The following HNRNPL variants were observed in gnomAD, a reference collection of about 807,000 sequenced individuals.
The protein encoded by HNRNPL is epididymis secretory sperm binding protein.
Under a neutral mutation model 64.0 loss-of-function variants are expected in HNRNPL, and 12 were observed. The observed-to-expected ratio is 0.19, with a 90% CI of 0.12 to 0.30. The LOEUF (loss-of-function observed/expected upper bound fraction) is 0.30. HNRNPL is among the 10% of genes least tolerant of loss of function. HNRNPL has a pLI of 1.00. For synonymous variants in HNRNPL, 385 were observed against 313.0 expected, an observed-to-expected ratio of 1.23 and a Z score of -2.43; for missense variants, 484 against 797.4, an observed-to-expected ratio of 0.61 and a Z score of 4.73.
chr19:38,845,685 G>C lies in HNRNPL; in HGVS notation c.675C>G (p.Val225=), dbSNP rs769221260. The C allele has an allele frequency of 6.2e-7, 1 of 1,613,862 alleles. No individual in the cohort carries two copies. Residue 225 remains valine, a synonymous_variant, in exon 4 of 13, where the codon GTC becomes GTG. Transcript: ENST00000221419. The part of the protein sequence containing the change: ...CNPCGPVQRI[V]IFRKNGVQAM... ...CCTGAACTCCATTCTTCCTGAAAAT[G>C]ACAATTCTCTGGACAGGGCCACAAG...
intron 6 of HNRNPL, chr19:38,841,664 T>C: frequency 2.3e-6 from 3 of 1,283,020 alleles, no homozygotes; most frequent in African/African-American, 1.5e-5. Flanking sequence ...TGGCGTCCCA[T>C]CAAACATACA....
chr19:38,847,768 A>AT (rs1972349918), intron 1 of HNRNPL: 1 of 173,890 alleles, frequency 5.8e-6, no homozygotes, highest in African/African-American at 2.4e-5. Flanking sequence ...CCAAGGAAAC[A>AT]TGGGAAAAGA....
Position 38,844,020 on chromosome 19 carries a change from G to A in HNRNPL, c.795C>T (p.Ile265=), listed in dbSNP as rs753178935. The change falls in exon 5 of 13, where the codon ATC becomes ATT. Residue 265 remains isoleucine, a synonymous_variant. Coordinates refer to ENST00000221419, the MANE Select transcript of HNRNPL (RefSeq NM_001533.3). ...DIYSGCCTLK[I]EYAKPTRLNV... ...CTCCCAGATGTACCTTTGCGTATTC[G>A]ATCTTCAGAGTGCAACAGCCAGAAT... 30 of 1,613,408 alleles carry A rather than the reference G, an allele frequency of 1.9e-5. No individual in the cohort carries two copies. In the East Asian group the frequency reaches 2.4e-4, roughly 13 times the overall value.
intron 12 of HNRNPL, chr19:38,837,091 G>A: frequency 1.8e-6 from 1 of 550,580 alleles, no homozygotes. Context: ...AGGTAACAGA[G>A]TGGCTTTCCT....
At chr19:38,840,758 T>C (rs1972090635) in intron 6 of HNRNPL, 199 bp from the exon 7 acceptor site, 2 of 594,644 alleles carry the variant, frequency 3.4e-6, no homozygotes, top group Admixed American at 6.4e-5. Context: ...CCCACTCTCC[T>C]TCCCCTGCTC....
At chr19:38,851,427 G>A (rs1312909917), upstream of HNRNPL, among the ~76,000 whole-genome samples, 1 of 152,230 alleles carries the variant, frequency 6.6e-6, no homozygotes, top group East Asian at 1.9e-4. Context: ...GCCCGCGCAG[G>A]GTGTGGGGGG....
At chr19:38,849,411 T>C in intron 1 of HNRNPL, 1 of 352,986 alleles carries the variant, frequency 2.8e-6, no homozygotes, top group Non-Finnish European at 5.0e-6. Context: ...CCGGGCCGCG[T>C]GCCCGGCCCC....
intron 8 of HNRNPL, 23 bp downstream of exon 8, chr19:38,840,073 C>G: frequency 6.2e-7 from 1 of 1,612,610 alleles, no homozygotes; most frequent in African/African-American, 1.3e-5. Context: ...GCGAGGAACC[C>G]AGGGGGCCCG....
rs35433653 is a variant in HNRNPL, at chr19:38,836,598, TAAAAAAAA to T, written c.*116_*123del. On this transcript the variant is annotated 3_prime_UTR_variant, in exon 13 of 13. Coordinates refer to ENST00000221419, the MANE Select transcript of HNRNPL (RefSeq NM_001533.3). ...AGTAAGCCTCTACAAACCTAGCATTTAAAAAAAAAAAAAAAAAAAAAAAAAAGGAATAC... is the reference window on the plus strand; with the variant it reads ...AGTAAGCCTCTACAAACCTAGCATTTAAAAAAAAAAAAAAAAAAGGAATAC... The T allele has an allele frequency of 2.9e-4, 40 of 136,624 alleles. No homozygotes were observed. The highest frequency in any genetic ancestry group is 2.8e-3 in the Middle Eastern group (1 of 352). 8.5% of individuals were successfully genotyped at this position (136,624 alleles called of 1,614,324 possible). A position where few individuals can be genotyped will look rare whatever the true frequency, so the allele number is the denominator to read the frequency against.
chr19:38,847,353 C>G lies in HNRNPL; in HGVS notation c.349G>C (p.Asp117His). The change falls in exon 2 of 13, where the codon GAC becomes CAC. Residue 117 changes from aspartate (D) to histidine (H), a missense_variant. Around this residue, in one of 9 missense-constraint regions of HNRNPL, gnomAD observed 23 missense variants for 70.8 expected, o/e 0.32. Coordinates refer to ENST00000221419, the MANE Select transcript of HNRNPL (RefSeq NM_001533.3). ...AACTCCTGCAAGGCCTCCACAAGGT[C>G]TGCTTCCACCACACCGTCAATCAGG... ...RGLIDGVVEADLVEALQEFGP... is the reference protein window; with the variant it reads ...RGLIDGVVEAHLVEALQEFGP... The G allele has an allele frequency of 6.4e-7, 1 of 1,554,382 alleles. No individual in the cohort carries two copies. Among genetic ancestry groups the G allele is most frequent in the African/African-American group, 1.4e-5 (1 of 72,302 alleles).
intron 7 of HNRNPL, 51 bp from the exon 8 acceptor site, chr19:38,840,427 G>A (rs574304705): frequency 6.9e-5 from 108 of 1,557,340 alleles, no homozygotes; most frequent in Admixed American, 3.6e-4. Context: ...TTTGCACGGC[G>A]GGCGGCGGGC....
chr19:38,843,466 G>A (rs1404958823), intron 6 of HNRNPL: 3 of 249,082 alleles, frequency 1.2e-5, no homozygotes, highest in South Asian at 5.6e-5. Flanking sequence ...TCTCAACAGC[G>A]CAGAACAAGA....
At chr19:38,842,105 ATT>A (rs10624642) in intron 6 of HNRNPL, 23 of 132,878 alleles carry the variant, frequency 1.7e-4, no homozygotes, top group Non-Finnish European at 3.0e-4. Flanking sequence ...TGTGGTTAAA[ATT>A]TTTTTTTTTT....
Position 38,840,057 on chromosome 19 carries a change from G to A in HNRNPL, c.1233+39C>T, listed in dbSNP as rs368252669. On this transcript the variant is annotated intron_variant, in intron 8 of 12. Transcript: ENST00000221419. ...TCCCGTGCTGACTGGCAAGATACGA[G>A]GCTCAGCGAGGAACCCAGGGGGCCC... 24 of 1,605,324 alleles carry A rather than the reference G, an allele frequency of 1.5e-5. No individual in the cohort carries two copies. In the African/African-American group the frequency reaches 2.8e-4, roughly 19 times the overall value.
At chr19:38,837,970 T>C (rs1971985277) in intron 10 of HNRNPL, among the ~76,000 whole-genome samples, 1 of 152,234 alleles carries the variant, frequency 6.6e-6, no homozygotes, top group South Asian at 2.1e-4. Flanking sequence ...CCAGATCCAC[T>C]TGAGTTCCTC....
Position 38,847,930 on chromosome 19 carries a change from C to G in HNRNPL, c.268-496G>C, listed in dbSNP as rs139498781. 7.0e-3 allele frequency among the ~76,000 whole-genome samples: 1,059 copies of G among 152,292 alleles called. 8 individuals carry two copies. Among genetic ancestry groups the G allele is most frequent in the Middle Eastern group, 0.02 (6 of 294 alleles). On this transcript the variant is annotated intron_variant, in intron 1 of 12. Coordinates refer to ENST00000221419, the MANE Select transcript of HNRNPL (RefSeq NM_001533.3). ...CTAGCTAAGCACACCTGTTCCCCAC[C>G]ACTCACACCCAGGTTCAGTCAGGGC...
chr19:38,844,712 CTT>C (rs11450081), intron 4 of HNRNPL: 22 of 135,476 alleles, frequency 1.6e-4, no homozygotes, highest in South Asian at 4.7e-4. Context: ...CATGCCCCAC[CTT>C]TTTTTTTTTT....
intron 8 of HNRNPL, chr19:38,839,246 G>C: frequency 1.9e-6 from 1 of 525,472 alleles, no homozygotes; most frequent in Non-Finnish European, 3.4e-6. Context: ...AAATCATTTA[G>C]TGAAGCATGA....
intron 4 of HNRNPL, 48 bp from the exon 5 acceptor site, chr19:38,844,152 G>T (rs766053087): frequency 2.4e-6 from 3 of 1,234,634 alleles, no homozygotes; most frequent in African/African-American, 1.5e-5. Context: ...TTTGAGAAGG[G>T]CTTCAAGTTA....
Sources: allele counts gnomAD v4.1 joint callset (sites outside exome capture counted in the v4.1 genomes callset), GRCh38; gene constraint gnomAD v4.1.1; regional missense constraint gnomAD v4.1.1; transcripts MANE v1.5; gene names NCBI Gene and HGNC (gene_info 2026-07-23, HGNC 2026-07-21).